The following CNTN1 variants were observed in gnomAD, a reference collection of about 807,000 sequenced individuals.
CNTN1 encodes contactin 1.
A neutral mutation model predicts 126.4 loss-of-function variants in CNTN1; 38 were observed. The ratio of observed to expected loss-of-function variants is 0.30; its 90% confidence interval spans 0.23 to 0.39. CNTN1 has a LOEUF of 0.39. Among genes scored for constraint, CNTN1 ranks in the 10% least tolerant of loss-of-function variants. The pLI is 1.00. For synonymous variants in CNTN1, 413 were observed against 422.6 expected (o/e 0.98, Z 0.28); for missense variants, 1,009 against 1,248.4 (o/e 0.81, Z 2.89).
rs537986893 is a variant in CNTN1 at position 40,792,468 on chromosome 12, T to G, written c.-77+99876T>G. ...ACTATTTAATGACTTTTATTTGTCT[T>G]TCTTTTCTTCTCTGGACATGTAAAA... On this transcript the variant is annotated intron_variant, in intron 1 of 23. Transcript: ENST00000551295. Among the ~76,000 whole-genome samples the G allele has an allele frequency of 8.8e-5, 13 of 147,958 alleles. 1 individual carries two copies. Among genetic ancestry groups the G allele is most frequent in the African/African-American group, 3.2e-4 (13 of 40,250 alleles).
chr12:40,719,603 T>G (rs552867190), intron 1 of CNTN1, among the ~76,000 whole-genome samples: 10 of 152,244 alleles, frequency 6.6e-5, no homozygotes, highest in Non-Finnish European at 1.5e-4. Flanking sequence ...TTGTGAAACT[T>G]AAATTATCTT....
At chr12:40,959,380 A>C in intron 15 of CNTN1, 146 bp downstream of exon 15, 1 of 843,324 alleles carries the variant, frequency 1.2e-6, no homozygotes, top group Non-Finnish European at 1.9e-6. Flanking sequence ...GCTTCTTCCC[A>C]TGCCTAAGAA....
intron 1 of CNTN1, among the ~76,000 whole-genome samples, chr12:40,774,466 A>G (rs1358011791): frequency 8.6e-5 from 13 of 151,758 alleles, no homozygotes; most frequent in Admixed American, 8.6e-4. Flanking sequence ...CAATCTCACA[A>G]GACAGCACAT....
At chr12:41,003,854 T>C (rs1201155322) in intron 17 of CNTN1, among the ~76,000 whole-genome samples, 1 of 152,154 alleles carries the variant, frequency 6.6e-6, no homozygotes, top group African/African-American at 2.4e-5. Context: ...TCTTCATTAG[T>C]CTAGTTAGCA....
intron 1 of CNTN1, among the ~76,000 whole-genome samples, chr12:40,859,152 TAAAAC>T (rs1449171679): frequency 2.6e-5 from 4 of 151,758 alleles, no homozygotes; most frequent in Non-Finnish European, 5.9e-5. Context: ...ATAAAAAATT[TAAAAC>T]AGATATAAAG....
At chr12:40,994,123 G>A (rs1364999803) in intron 17 of CNTN1, among the ~76,000 whole-genome samples, 2 of 152,028 alleles carry the variant, frequency 1.3e-5, no homozygotes, top group Non-Finnish European at 2.9e-5. Flanking sequence ...TCTAGATGAT[G>A]AGCCTATATA....
At chr12:41,007,557 G>C (rs1427281916) in intron 17 of CNTN1, among the ~76,000 whole-genome samples, 1 of 152,152 alleles carries the variant, frequency 6.6e-6, no homozygotes, top group South Asian at 2.1e-4. Flanking sequence ...TCTCTCTATA[G>C]AGAGAGGGGT....
At chr12:40,855,627 A>C (rs1942879429) in intron 1 of CNTN1, among the ~76,000 whole-genome samples, 2 of 152,096 alleles carry the variant, frequency 1.3e-5, no homozygotes, top group Non-Finnish European at 2.9e-5. Flanking sequence ...TTGTCAATAA[A>C]ATTTTTATTA....
At chr12:41,040,292 G>A (rs911560771) in intron 23 of CNTN1, among the ~76,000 whole-genome samples, 1 of 152,118 alleles carries the variant, frequency 6.6e-6, no homozygotes, top group Non-Finnish European at 1.5e-5. Context: ...GTCTGTGATT[G>A]AGAAAACCTT....
intron 14 of CNTN1, among the ~76,000 whole-genome samples, chr12:40,958,609 G>C (rs189951709): frequency 2.8e-4 from 43 of 152,082 alleles, no homozygotes; most frequent in Admixed American, 1.6e-3. Flanking sequence ...TGGCAACAGA[G>C]TACATGTTAG....
chr12:41,019,038 C>G (rs928677207), intron 19 of CNTN1, among the ~76,000 whole-genome samples: 2 of 152,130 alleles, frequency 1.3e-5, no homozygotes, highest in Non-Finnish European at 2.9e-5. Context: ...AGCCTGTAAT[C>G]TCAGCTACTC....
chr12:41,060,271 A>G (rs1214976542), intron 23 of CNTN1, among the ~76,000 whole-genome samples: 1 of 152,090 alleles, frequency 6.6e-6, no homozygotes, highest in Non-Finnish European at 1.5e-5. Flanking sequence ...ATGTAAATAA[A>G]CCCACAGGGC....
intron 23 of CNTN1, among the ~76,000 whole-genome samples, chr12:41,068,534 G>A (rs3794253): frequency 0.058 from 8,771 of 152,002 alleles, 436 homozygotes; most frequent in African/African-American, 0.13. Context: ...GCCCCAGGCA[G>A]GGCAATGTTG....
chr12:40,830,061 A>G (rs767468438), intron 1 of CNTN1, among the ~76,000 whole-genome samples: 3 of 152,156 alleles, frequency 2.0e-5, no homozygotes, highest in Non-Finnish European at 4.4e-5. Context: ...GGGAGAGTGT[A>G]TAAACAAAGG....
At chr12:40,719,906 C>T (rs11178050) in intron 1 of CNTN1, among the ~76,000 whole-genome samples, 30,721 of 151,988 alleles carry the variant, frequency 0.2, 3,225 homozygotes, top group Middle Eastern at 0.28. Context: ...GGCGCGATCA[C>T]GGCTCACTGC....
intron 1 of CNTN1, among the ~76,000 whole-genome samples, chr12:40,755,883 A>G (rs1938592902): frequency 6.6e-6 from 1 of 152,096 alleles, no homozygotes; most frequent in African/African-American, 2.4e-5. Flanking sequence ...TTAATAGCTT[A>G]AGGAGAGAAG....
intron 1 of CNTN1, among the ~76,000 whole-genome samples, chr12:40,720,576 A>G (rs138670483): frequency 1.7e-4 from 26 of 152,346 alleles, no homozygotes; most frequent in African/African-American, 6.3e-4. Flanking sequence ...TGGATAATTG[A>G]ATGATATTTT....
chr12:40,989,586 C>T (rs1948051293), intron 16 of CNTN1, among the ~76,000 whole-genome samples: 1 of 152,100 alleles, frequency 6.6e-6, no homozygotes, highest in Non-Finnish European at 1.5e-5. Flanking sequence ...GGAGAAGACA[C>T]TAAAGTGATT....
rs139321365 is a variant in CNTN1, at chr12:40,818,130, G to A, written c.-76-90227G>A. 2.2e-3 allele frequency among the ~76,000 whole-genome samples: 328 copies of A among 152,156 alleles called. 1 individual carries two copies. Among genetic ancestry groups the A allele is most frequent in the African/African-American group, 7.6e-3 (315 of 41,512 alleles). On this transcript the variant is annotated intron_variant, in intron 1 of 23. Transcript: ENST00000551295. ...TCATTTTGACGTTGGAGAATCTGAT[G>A]ATTATGTGTCTTAGGGTTGATCTTC...
Sources: gnomAD v4.1 joint callset for allele counts (sites outside exome capture counted in the v4.1 genomes callset) on GRCh38, gnomAD v4.1.1 for gene constraint, MANE v1.5 for transcripts, NCBI Gene and HGNC (gene_info 2026-07-23, HGNC 2026-07-21) for gene names.